NALF1: variants seen among roughly 807,000 people sequenced by gnomAD.
NALF1 encodes family with sequence similarity 155 member A.
A neutral mutation model predicts 48.4 loss-of-function variants in NALF1; 3 were observed. The ratio of observed to expected loss-of-function variants is 0.06; its 90% CI spans 0.03 to 0.16. The LOEUF (loss-of-function observed/expected upper bound fraction) is 0.16. Among genes scored for constraint, NALF1 ranks in the 10% least tolerant of loss-of-function variants. The probability of loss-of-function intolerance (pLI) is 1.00; values close to 1 mark genes in which losing one functional copy is unlikely to be tolerated. For synonymous variants in NALF1, 262 were observed against 245.7 expected (o/e 1.07, Z -0.62); for missense variants, 526 against 571.5 (o/e 0.92, Z 0.81).
chr13:107,319,504 A>C (rs1693313731), intron 1 of NALF1, among the ~76,000 whole-genome samples: 1 of 152,080 alleles, frequency 6.6e-6, no homozygotes, highest in South Asian at 2.1e-4. Flanking sequence ...ATACTTGTTA[A>C]AAATTGGTGA....
chr13:107,353,550 T>TAATAATAATGTCG (rs1448615337), intron 1 of NALF1, among the ~76,000 whole-genome samples: 5 of 152,348 alleles, frequency 3.3e-5, no homozygotes, highest in Non-Finnish European at 7.3e-5. Context: ...ATGTGCTTCA[T>TAATAATAATGTCG]AATAATGTCG....
At chr13:107,774,807 C>T (rs181421571) in intron 1 of NALF1, among the ~76,000 whole-genome samples, 11 of 152,236 alleles carry the variant, frequency 7.2e-5, no homozygotes, top group African/African-American at 2.2e-4. Context: ...TGAAACCCTT[C>T]CTTAAAAAAA....
At chr13:107,271,821 T>C (rs1317647748) in intron 1 of NALF1, among the ~76,000 whole-genome samples, 1 of 142,754 alleles carries the variant, frequency 7.0e-6, no homozygotes, top group East Asian at 2.1e-4. Context: ...TATATATTTA[T>C]ATATTTATAT....
chr13:107,370,124 C>G (rs1345936607), intron 1 of NALF1, among the ~76,000 whole-genome samples: 1 of 112,008 alleles, frequency 8.9e-6, no homozygotes, highest in Non-Finnish European at 1.9e-5. Context: ...AATTTGTAAA[C>G]TTGGTTTGAG....
At chr13:107,273,603 G>T (rs994230972) in intron 1 of NALF1, among the ~76,000 whole-genome samples, 3 of 152,160 alleles carry the variant, frequency 2.0e-5, no homozygotes, top group Non-Finnish European at 4.4e-5. Flanking sequence ...GAGCTGCTCA[G>T]AACATGATGC....
intron 1 of NALF1, among the ~76,000 whole-genome samples, chr13:107,644,218 G>A (rs1037854386): frequency 1.7e-4 from 26 of 151,708 alleles, no homozygotes; most frequent in Admixed American, 5.9e-4. Context: ...AATACAGAAC[G>A]CCAAGGTGAA....
At chr13:107,751,798 C>T (rs1876944602) in intron 1 of NALF1, among the ~76,000 whole-genome samples, 1 of 152,118 alleles carries the variant, frequency 6.6e-6, no homozygotes, top group Admixed American at 6.5e-5. Flanking sequence ...AAACCCAAGC[C>T]TAGCCAATGT....
intron 1 of NALF1, among the ~76,000 whole-genome samples, chr13:107,638,525 T>C (rs1192423243): frequency 6.6e-6 from 1 of 151,920 alleles, no homozygotes; most frequent in South Asian, 2.1e-4. Flanking sequence ...GTCTCATAAC[T>C]TGGGATAGGA....
chr13:107,519,747 A>T (rs1051638193), intron 1 of NALF1, among the ~76,000 whole-genome samples: 1 of 152,184 alleles, frequency 6.6e-6, no homozygotes, highest in South Asian at 2.1e-4. Flanking sequence ...CTGGCCAAAG[A>T]AATGGTTTTC....
chr13:107,433,590 A>T (rs993185825), intron 1 of NALF1, among the ~76,000 whole-genome samples: 1 of 152,092 alleles, frequency 6.6e-6, no homozygotes, highest in Non-Finnish European at 1.5e-5. Context: ...ATAAAATAAT[A>T]AAAAAAGAAA....
intron 1 of NALF1, among the ~76,000 whole-genome samples, chr13:107,720,762 T>C (rs1875959462): frequency 6.6e-6 from 1 of 152,200 alleles, no homozygotes; most frequent in African/African-American, 2.4e-5. Context: ...GTCCTTTTAC[T>C]GACCGATCAC....
intron 1 of NALF1, among the ~76,000 whole-genome samples, chr13:107,862,887 A>C (rs976272409): frequency 1.3e-5 from 2 of 151,812 alleles, no homozygotes; most frequent in African/African-American, 4.8e-5. Flanking sequence ...CTAACTCTAA[A>C]ATTTAGAAAT....
chr13:107,732,090 T>C (rs1876325494), intron 1 of NALF1, among the ~76,000 whole-genome samples: 1 of 152,142 alleles, frequency 6.6e-6, no homozygotes, highest in Non-Finnish European at 1.5e-5. Flanking sequence ...TTTCTAGGAA[T>C]CTTTGACTCT....
intron 1 of NALF1, among the ~76,000 whole-genome samples, chr13:107,273,871 T>G (rs535574552): frequency 3.1e-4 from 47 of 152,238 alleles, no homozygotes; most frequent in African/African-American, 1.1e-3. Context: ...AGGGCATGCA[T>G]GGATACCCTC....
chr13:107,305,807 C>A (rs1594112531), intron 1 of NALF1, among the ~76,000 whole-genome samples: 1 of 152,134 alleles, frequency 6.6e-6, no homozygotes, highest in East Asian at 1.9e-4. Flanking sequence ...GAAAAATAAT[C>A]AAAGGTAGAA....
At chr13:107,614,461 A>G (rs11843117) in intron 1 of NALF1, among the ~76,000 whole-genome samples, 17 of 152,178 alleles carry the variant, frequency 1.1e-4, no homozygotes, top group African/African-American at 3.9e-4. Flanking sequence ...AGTCACCTAA[A>G]CCTCCACCCA....
intron 1 of NALF1, among the ~76,000 whole-genome samples, chr13:107,659,821 T>A (rs540923725): frequency 1.3e-5 from 2 of 151,972 alleles, no homozygotes; most frequent in Non-Finnish European, 2.9e-5. Context: ...ATTTTCTTTT[T>A]TTTTTTTGAG....
At chr13:107,521,682 A>C (rs1373473876) in intron 1 of NALF1, among the ~76,000 whole-genome samples, 1 of 152,002 alleles carries the variant, frequency 6.6e-6, no homozygotes, top group Non-Finnish European at 1.5e-5. Flanking sequence ...CTTCAAGAGG[A>C]GTTGCTCTCA....
intron 1 of NALF1, among the ~76,000 whole-genome samples, chr13:107,442,926 G>A (rs990995658): frequency 2.0e-5 from 3 of 152,052 alleles, no homozygotes; most frequent in African/African-American, 7.2e-5. Context: ...TTAAAATTGT[G>A]TCTAAAAATA....
Sources: gnomAD v4.1 joint callset for allele counts (sites outside exome capture counted in the v4.1 genomes callset) on GRCh38, gnomAD v4.1.1 for gene constraint, MANE v1.5 for transcripts, NCBI Gene and HGNC (gene_info 2026-07-23, HGNC 2026-07-21) for gene names.